INTS6: variants seen among roughly 807,000 people sequenced by gnomAD.
The protein encoded by INTS6 is integrator complex subunit 6.
In INTS6, 16 loss-of-function variants were observed where a neutral mutation model predicts 104.9. The ratio of observed to expected loss-of-function variants is 0.15; its 90% CI spans 0.10 to 0.23. The LOEUF (loss-of-function observed/expected upper bound fraction) is 0.23. Ranked by LOEUF, INTS6 falls within the 10% of genes least tolerant of loss-of-function variation. INTS6 has a pLI of 1.00. For synonymous variants in INTS6, 324 were observed against 358.7 expected (o/e 0.90, Z 1.09); for missense variants, 584 against 1,062.8 (o/e 0.55, Z 6.26).
At chr13:51,403,594 G>GAAAAAAAAAAAAAA (rs1183193640) in intron 4 of INTS6, among the ~76,000 whole-genome samples, 1 of 63,006 alleles carries the variant, frequency 1.6e-5, no homozygotes, top group South Asian at 4.3e-4. Flanking sequence ...AAAAAAAAAA[G>GAAAAAAAAAAAAAA]AAAAAAAAAA....
At chr13:51,451,272 T>C (rs544174836) in intron 2 of INTS6, 98 bp from the exon 3 acceptor site, 5 of 1,042,990 alleles carry the variant, frequency 4.8e-6, no homozygotes, top group Non-Finnish European at 6.6e-6. Flanking sequence ...GCTTCACTTT[T>C]GGTTGGTTTG....
At chr13:51,422,518 A>AC (rs953945133) in intron 4 of INTS6, among the ~76,000 whole-genome samples, 1 of 152,122 alleles carries the variant, frequency 6.6e-6, no homozygotes, top group Admixed American at 6.6e-5. Flanking sequence ...TAGCTTACCT[A>AC]CCGAACCTCT....
At chr13:51,375,734 G>T (rs62932863) in intron 13 of INTS6, among the ~76,000 whole-genome samples, 3,484 of 147,662 alleles carry the variant, frequency 0.024, 54 homozygotes, top group South Asian at 0.056. Flanking sequence ...TTGATAAGTG[G>T]GTGTGTGTGT....
the INTS6 span, among the ~76,000 whole-genome samples, chr13:51,347,535 C>G: frequency 6.6e-6 from 1 of 152,162 alleles, no homozygotes; most frequent in African/African-American, 2.4e-5. Flanking sequence ...CCCTGGCAGG[C>G]ACAATAGGCC....
At chr13:51,407,932 G>T (rs891483431) in intron 4 of INTS6, among the ~76,000 whole-genome samples, 1 of 150,122 alleles carries the variant, frequency 6.7e-6, no homozygotes, top group Non-Finnish European at 1.5e-5. Flanking sequence ...CTGGAGAATC[G>T]CTTGAACCCA....
Position 51,383,427 on chromosome 13 carries a change from A to G in INTS6, c.1082T>C (p.Leu361Pro). 6.2e-7 allele frequency: 1 copy of G among 1,614,024 alleles called. No homozygotes were observed. Among genetic ancestry groups the G allele is most frequent in the Non-Finnish European group, 8.5e-7 (1 of 1,179,964 alleles). ...YVSNSAKYSE[L>P]GHPFGYLKAS... is the part of the protein sequence containing the mutation. The stretch of plus-strand genomic sequence containing the variant: ...TTTCAAGTAACCAAAAGGATGACCA[A>G]GTTCACTGTATTTTGCACTATTGCT... Residue 361 changes from leucine to proline, a missense_variant, in exon 9 of 18, where the codon CTT becomes CCT. Around this residue, in one of 5 missense-constraint regions of INTS6, gnomAD observed 144 missense variants for 348.7 expected, o/e 0.41. Transcript: ENST00000311234.
downstream of INTS6, among the ~76,000 whole-genome samples, chr13:51,351,975 TC>T (rs1457099395): frequency 6.6e-6 from 1 of 152,160 alleles, no homozygotes. Flanking sequence ...TTCTGGACTT[TC>T]AATTCTATCC....
intron 4 of INTS6, among the ~76,000 whole-genome samples, chr13:51,404,123 G>GAC (rs1284616803): frequency 8.0e-4 from 118 of 147,922 alleles, no homozygotes; most frequent in African/African-American, 2.9e-3. Flanking sequence ...GAGAGAGAGA[G>GAC]ACAACCCAGG....
chr13:51,405,235 A>G (rs1956539794), intron 4 of INTS6, among the ~76,000 whole-genome samples: 1 of 152,192 alleles, frequency 6.6e-6, no homozygotes, highest in Admixed American at 6.5e-5. Flanking sequence ...GGTGGAGAAT[A>G]CAGTGCAAAG....
At chr13:51,401,527 T>A (rs926746638) in intron 4 of INTS6, among the ~76,000 whole-genome samples, 1 of 152,190 alleles carries the variant, frequency 6.6e-6, no homozygotes, top group Admixed American at 6.5e-5. Flanking sequence ...GAAACTCTAG[T>A]ATGAGTATTC....
chr13:51,426,491 T>C (rs1039149569), intron 4 of INTS6, among the ~76,000 whole-genome samples: 1 of 152,118 alleles, frequency 6.6e-6, no homozygotes, highest in African/African-American at 2.4e-5. Context: ...GAAATTATAC[T>C]ATAAAAATGC....
intron 3 of INTS6, among the ~76,000 whole-genome samples, chr13:51,431,169 G>A (rs1401894210): frequency 6.6e-6 from 1 of 152,112 alleles, no homozygotes. Context: ...ACAAACATAA[G>A]CTTGCCTTTT....
the INTS6 span, chr13:51,344,485 G>A: frequency 1.7e-5 from 26 of 1,566,646 alleles, no homozygotes; most frequent in Middle Eastern, 3.3e-4. Context: ...AGAGACTGCA[G>A]GTAAAAGAAA....
At chr13:51,335,406 A>G in the INTS6 span, among the ~76,000 whole-genome samples, 1 of 152,244 alleles carries the variant, frequency 6.6e-6, no homozygotes, top group Non-Finnish European at 1.5e-5. Context: ...GCTCAAAATC[A>G]TTGGTAACCC....
At chr13:51,441,777 A>T (rs1044036440) in intron 3 of INTS6, 6 of 152,056 alleles carry the variant, frequency 3.9e-5, no homozygotes, top group African/African-American at 1.4e-4. Context: ...TACAGTATAA[A>T]ATCCTGTCAA....
At chr13:51,351,989 T>C (rs1455552049), downstream of INTS6, among the ~76,000 whole-genome samples, 1 of 152,152 alleles carries the variant, frequency 6.6e-6, no homozygotes, top group African/African-American at 2.4e-5. Flanking sequence ...TTCTATCCTA[T>C]AGGCATAGAT....
At chr13:51,380,753 C>G (rs539961508) in intron 10 of INTS6, among the ~76,000 whole-genome samples, 3 of 152,262 alleles carry the variant, frequency 2.0e-5, no homozygotes, top group Admixed American at 6.5e-5. Flanking sequence ...CTTTCACAAA[C>G]TAAATCATGT....
In INTS6 at chr13:51,374,866, A is replaced by G. The variant is rs987102071; in HGVS notation, c.1730-70T>C. 1.0e-5 allele frequency: 15 copies of G among 1,496,696 alleles called. No individual in the cohort carries two copies. The African/African-American group carries it at 1.8e-4, about 18-fold the overall frequency. 92.7% of individuals were successfully genotyped at this position (1,496,696 alleles called of 1,614,324 possible). On this transcript the variant is annotated intron_variant, in intron 13 of 17. Coordinates refer to ENST00000311234, the MANE Select transcript of INTS6 (RefSeq NM_012141.3). ...GTTCTCAAATAATGTTTCCTTATAT[A>G]TGAATGCTACCTAGTGTTATTCTAG...
At chr13:51,346,786 A>G in the INTS6 span, among the ~76,000 whole-genome samples, 1 of 152,202 alleles carries the variant, frequency 6.6e-6, no homozygotes, top group African/African-American at 2.4e-5. Flanking sequence ...AACAGTCCCC[A>G]AAAGTTGAGA....
Sources: allele counts gnomAD v4.1 joint callset (sites outside exome capture counted in the v4.1 genomes callset), GRCh38; gene constraint gnomAD v4.1.1; regional missense constraint gnomAD v4.1.1; transcripts MANE v1.5; gene names NCBI Gene and HGNC (gene_info 2026-07-23, HGNC 2026-07-21).